The following KDM3A variants were observed in gnomAD, a reference collection of about 807,000 sequenced individuals.
KDM3A encodes the protein lysine demethylase 3A, also known as lysine-specific demethylase 3A.
KDM3A carries 60 observed loss-of-function variants against 158.0 expected under a neutral mutation model. The ratio of observed to expected loss-of-function variants is 0.38; its 90% confidence interval spans 0.31 to 0.47. The LOEUF (loss-of-function observed/expected upper bound fraction) is 0.47. KDM3A is among the 20% of genes least tolerant of loss of function. The pLI, the probability that KDM3A is intolerant of heterozygous loss-of-function variation, is 0.99. For synonymous variants in KDM3A, 608 were observed against 549.3 expected, an observed-to-expected ratio of 1.11 and a Z score of -1.49; for missense variants, 1,319 against 1,574.3, an observed-to-expected ratio of 0.84 and a Z score of 2.74.
intron 4 of KDM3A, among the ~76,000 whole-genome samples, chr2:86,451,586 T>C (rs1387196352): frequency 1.3e-5 from 2 of 152,216 alleles, no homozygotes; most frequent in Admixed American, 1.3e-4. Context: ...GAGTAGACTT[T>C]CGGTCTTGCA....
In KDM3A at chr2:86,455,153, T is replaced by A. The variant is rs751145946; in HGVS notation, c.522T>A (p.Ile174=). The A allele has an allele frequency of 3.1e-6, 5 of 1,606,038 alleles. No homozygotes were observed. In the South Asian group the frequency reaches 5.5e-5, roughly 18 times the overall value. The change falls in exon 5 of 26, where the codon ATT becomes ATA. Residue 174 remains isoleucine (I), a synonymous_variant. Coordinates refer to ENST00000312912, the MANE Select transcript of KDM3A (RefSeq NM_018433.6). ...QIVSKEFQAL[I]VKHLDESHLL... The stretch of plus-strand genomic sequence containing the variant: ...TCAGTAAAGAATTTCAAGCTTTGAT[T>A]GTGAAGCATTTAGATGAAAGCCATC...
intron 11 of KDM3A, among the ~76,000 whole-genome samples, chr2:86,471,150 G>A (rs965498436): frequency 6.6e-6 from 1 of 152,014 alleles, no homozygotes; most frequent in African/African-American, 2.4e-5. Flanking sequence ...CTGTACCATT[G>A]CCAGCAGGGA....
intron 6 of KDM3A, 56 bp from the exon 7 acceptor site, chr2:86,456,749 A>T: frequency 7.0e-7 from 1 of 1,427,504 alleles, no homozygotes; most frequent in Admixed American, 1.8e-5. Flanking sequence ...CCTGATTTTC[A>T]GTATGTTCTT....
intron 10 of KDM3A, among the ~76,000 whole-genome samples, chr2:86,468,236 A>T (rs1347918343): frequency 1.3e-5 from 2 of 152,372 alleles, no homozygotes; most frequent in East Asian, 3.9e-4. Context: ...TAGCTTCTTC[A>T]TTGAGGCTTA....
At chr2:86,464,258 A>G in intron 9 of KDM3A, 42 bp downstream of exon 9, 1 of 1,355,544 alleles carries the variant, frequency 7.4e-7, no homozygotes, top group Non-Finnish European at 9.8e-7. Flanking sequence ...ATAATAATAA[A>G]AAATTATTTT....
chr2:86,453,919 T>C (rs1377193481), intron 4 of KDM3A, among the ~76,000 whole-genome samples: 1 of 152,224 alleles, frequency 6.6e-6, no homozygotes, highest in South Asian at 2.1e-4. Flanking sequence ...TGTTGAGCAC[T>C]GTTTTTTCTT....
chr2:86,484,283 C>T lies in KDM3A; in HGVS notation c.3094+125C>T, dbSNP rs1174463759. The T allele has an allele frequency of 2.7e-5, 20 of 730,794 alleles. No individual in the cohort carries two copies. The East Asian group carries it at 4.3e-4, about 16-fold the overall frequency. 45.3% of individuals were successfully genotyped at this position (730,794 alleles called of 1,614,324 possible). A position where few individuals can be genotyped will look rare whatever the true frequency, so the allele number is the denominator to read the frequency against. Reference sequence around the variant, plus strand: ...CCAGGATTTTGGAGTTTAAAATTAACGTCTCTCCTCCCCTTCCTTGTTACA... The same window carrying T: ...CCAGGATTTTGGAGTTTAAAATTAATGTCTCTCCTCCCCTTCCTTGTTACA... On this transcript the variant is annotated intron_variant, in intron 19 of 25. Transcript: ENST00000312912.
At chr2:86,488,958 C>A (rs61028062) in intron 21 of KDM3A, 35,990 of 214,056 alleles carry the variant, frequency 0.17, 3,906 homozygotes, top group African/African-American at 0.31. Flanking sequence ...TGGGTGCTTT[C>A]CCTTGGACTC....
At chr2:86,445,250 C>G (rs1355951739) in intron 2 of KDM3A, among the ~76,000 whole-genome samples, 3 of 152,056 alleles carry the variant, frequency 2.0e-5, no homozygotes, top group Non-Finnish European at 4.4e-5. Context: ...AAAATTATTA[C>G]CTCTCCTATG....
Position 86,466,489 on chromosome 2 carries a change from T to G in KDM3A, c.1125T>G (p.Ile375Met). ...KAGLLSKSSQ[I>M]GTGDLKILTE... The stretch of plus-strand genomic sequence containing the variant: ...GGTTGCTCTCAAAGTCCTCTCAGAT[T>G]GGAACTGGAGACTTGAAAATTCTGA... Residue 375 changes from isoleucine to methionine, a missense_variant, in exon 10 of 26, where the codon ATT (isoleucine) becomes ATG (methionine). This residue lies in a region of KDM3A where 652 missense variants were observed against 627.2 expected (regional missense o/e 1.04). Transcript: ENST00000312912. The G allele has an allele frequency of 6.2e-7, 1 of 1,613,934 alleles. No homozygotes were observed. Among genetic ancestry groups the G allele is most frequent in the Non-Finnish European group, 8.5e-7 (1 of 1,179,844 alleles).
chr2:86,475,072 G>T, intron 12 of KDM3A, 82 bp downstream of exon 12: 1 of 1,134,948 alleles, frequency 8.8e-7, no homozygotes, highest in Admixed American at 2.2e-5. Context: ...CTAATTGCTT[G>T]GGTTTTTTTT....
intron 3 of KDM3A, among the ~76,000 whole-genome samples, chr2:86,450,468 AT>A (rs1672405614): frequency 6.6e-6 from 1 of 152,092 alleles, no homozygotes; most frequent in African/African-American, 2.4e-5. Context: ...GGATTATTAT[AT>A]TTTTTGGCTT....
At chr2:86,453,304 A>G (rs1319295919) in intron 4 of KDM3A, among the ~76,000 whole-genome samples, 2 of 152,262 alleles carry the variant, frequency 1.3e-5, no homozygotes, top group East Asian at 3.9e-4. Flanking sequence ...ACTTCAGAGA[A>G]TTATCTTGTA....
intron 5 of KDM3A, 89 bp downstream of exon 5, chr2:86,455,276 C>A: frequency 9.7e-6 from 7 of 720,552 alleles, no homozygotes; most frequent in Admixed American, 3.2e-5. Flanking sequence ...TTCATTTGCT[C>A]ATGGAAATTT....
intron 9 of KDM3A, among the ~76,000 whole-genome samples, chr2:86,465,629 G>A (rs914167133): frequency 1.3e-5 from 2 of 152,062 alleles, no homozygotes; most frequent in African/African-American, 4.8e-5. Flanking sequence ...GTCTGGTCAT[G>A]AACTCCTGGC....
At chr2:86,463,338 A>G (rs997369392) in intron 8 of KDM3A, among the ~76,000 whole-genome samples, 9 of 152,150 alleles carry the variant, frequency 5.9e-5, no homozygotes, top group Non-Finnish European at 1.2e-4. Flanking sequence ...AGTTGTCTTG[A>G]GTTTCTCCTT....
At position 86,466,634 on chromosome 2, in the gene KDM3A, T is replaced by C; in HGVS notation, c.1270T>C (p.Ser424Pro). The C allele has an allele frequency of 1.2e-6, 2 of 1,613,940 alleles. No homozygotes were observed. The highest frequency in any genetic ancestry group is 1.7e-6 in the Non-Finnish European group (2 of 1,179,882). Residue 424 changes from serine to proline, a missense_variant, in exon 10 of 26, where the codon TCT becomes CCT. Ser to Pro is a moderately conservative substitution (Grantham distance 74). Around this residue, in one of 4 missense-constraint regions of KDM3A, gnomAD observed 652 missense variants for 627.2 expected, o/e 1.04. Coordinates refer to ENST00000312912, the MANE Select transcript of KDM3A (RefSeq NM_018433.6). ...GGAGTGCTTACCTACAAAGGCTTCT[T>C]CTAAGGCAGAATTGGAAATTGCCAA... is the stretch of plus-strand genomic sequence containing the variant. ...PKECLPTKAS[S>P]KAELEIANPP...
chr2:86,441,216 TC>T (rs1205847532), upstream of KDM3A: 1 of 152,310 alleles, frequency 6.6e-6, no homozygotes, highest in East Asian at 1.9e-4. Context: ...ATTGTTTTTT[TC>T]TCTGGCCCCG....
Position 86,480,340 on chromosome 2 carries a change from G to C in KDM3A, c.2490G>C (p.Gly830=), listed in dbSNP as rs143689515. The C allele has an allele frequency of 2.1e-4, 346 of 1,612,874 alleles. 3 individuals carry two copies. The African/African-American group carries it at 4.2e-3, about 20-fold the overall frequency. The change falls in exon 16 of 26, where the codon GGG becomes GGC. Residue 830 remains glycine, a synonymous_variant. Transcript: ENST00000312912. Reference sequence around the variant, plus strand: ...ACTGGCTGGCCGACCTAACCAGCGGGAATGTCAACAAGGAAAACAAGGGTG... The same window carrying C: ...ACTGGCTGGCCGACCTAACCAGCGGCAATGTCAACAAGGAAAACAAGGGTG... ...PLNWLADLTS[G]NVNKENKEKQ...
Sources: gnomAD v4.1 joint callset for allele counts (sites outside exome capture counted in the v4.1 genomes callset) on GRCh38, gnomAD v4.1.1 for gene constraint, gnomAD v4.1.1 regional missense constraint, MANE v1.5 for transcripts, NCBI Gene and HGNC (gene_info 2026-07-23, HGNC 2026-07-21) for gene names.